The following MAML2 variants were observed in gnomAD, a reference collection of about 807,000 sequenced individuals.
MAML2 encodes mastermind-like protein 2.
MAML2 carries 22 observed loss-of-function variants against 96.1 expected under a neutral mutation model. The observed-to-expected ratio is 0.23, with a 90% CI of 0.16 to 0.33. The LOEUF is 0.33. MAML2 is among the 10% of genes least tolerant of loss of function. The probability of loss-of-function intolerance (pLI) is 1.00; values close to 1 mark genes in which losing one functional copy is unlikely to be tolerated. For missense variants in MAML2, 1,367 were observed against 1,392.4 expected (o/e 0.98, Z 0.29); for synonymous variants, 561 against 521.3 (o/e 1.08, Z -1.04).
chr11:96,060,245 A>C (rs1859133742), intron 2 of MAML2, among the ~76,000 whole-genome samples: 1 of 152,254 alleles, frequency 6.6e-6, no homozygotes, highest in Admixed American at 6.5e-5. Flanking sequence ...CACCATTTTA[A>C]GTAGACAAAA....
intron 2 of MAML2, among the ~76,000 whole-genome samples, chr11:96,073,321 CTTTTTTTT>C (rs57220287): frequency 9.2e-6 from 1 of 108,322 alleles, no homozygotes; most frequent in African/African-American, 3.3e-5. Context: ...CTTTTCTTTT[CTTTTTTTT>C]TTTTTTTTTT....
chr11:96,020,129 G>C (rs1337825133), intron 2 of MAML2, among the ~76,000 whole-genome samples: 1 of 152,174 alleles, frequency 6.6e-6, no homozygotes, highest in Non-Finnish European at 1.5e-5. Context: ...AGGGGGAAAA[G>C]GAAGAGTAAT....
Position 96,183,167 on chromosome 11 carries a change from C to T in MAML2, c.514-89650G>A, listed in dbSNP as rs146334081. Among the ~76,000 whole-genome samples the T allele has an allele frequency of 4.1e-3, 619 of 152,072 alleles. 1 individual carries two copies. Among genetic ancestry groups the T allele is most frequent in the Non-Finnish European group, 6.8e-3 (461 of 67,952 alleles). On this transcript the variant is annotated intron_variant, in intron 1 of 4. Transcript: ENST00000524717. ...AGAGACAGGGTTACATCATGTTGGC[C>T]AGGCTGGTTTTGAACTCCTCACCTC...
At chr11:96,166,171 T>A (rs927815535) in intron 1 of MAML2, among the ~76,000 whole-genome samples, 13 of 117,794 alleles carry the variant, frequency 1.1e-4, no homozygotes, top group East Asian at 8.3e-4. Flanking sequence ...TCTCTCTCTC[T>A]CTCTCTCACA....
chr11:96,132,625 C>T (rs560802976), intron 1 of MAML2, among the ~76,000 whole-genome samples: 7 of 152,198 alleles, frequency 4.6e-5, no homozygotes, highest in Non-Finnish European at 1.0e-4. Flanking sequence ...ATTCTGCAAA[C>T]ATAAACCTAT....
intron 1 of MAML2, among the ~76,000 whole-genome samples, chr11:96,135,774 A>T (rs1261177420): frequency 6.6e-6 from 1 of 151,688 alleles, no homozygotes; most frequent in Admixed American, 6.6e-5. Flanking sequence ...ATAGTGACAT[A>T]CATCTCTGAA....
intron 2 of MAML2, among the ~76,000 whole-genome samples, chr11:96,047,414 T>C (rs1858919225): frequency 6.6e-6 from 1 of 152,194 alleles, no homozygotes; most frequent in Non-Finnish European, 1.5e-5. Flanking sequence ...TTCAGTATCC[T>C]CTTCTTTAAG....
At chr11:96,228,703 G>T (rs892316118) in intron 1 of MAML2, among the ~76,000 whole-genome samples, 1 of 152,120 alleles carries the variant, frequency 6.6e-6, no homozygotes, top group Non-Finnish European at 1.5e-5. Flanking sequence ...AGCCTCATGC[G>T]CCTGAAGGTC....
chr11:96,155,588 A>AATGT, intron 1 of MAML2, among the ~76,000 whole-genome samples: 1 of 136,850 alleles, frequency 7.3e-6, no homozygotes, highest in Non-Finnish European at 1.5e-5. Flanking sequence ...ACCCTGGTCC[A>AATGT]ATGTTTAGCT....
chr11:96,177,610 A>G (rs774048312), intron 1 of MAML2, among the ~76,000 whole-genome samples: 30 of 152,248 alleles, frequency 2.0e-4, no homozygotes, highest in Non-Finnish European at 4.3e-4. Flanking sequence ...AAATACACCT[A>G]GAAATATACT....
intron 2 of MAML2, among the ~76,000 whole-genome samples, chr11:96,018,611 T>C (rs377377507): frequency 6.6e-6 from 1 of 152,214 alleles, no homozygotes; most frequent in African/African-American, 2.4e-5. Flanking sequence ...ATGGATTCGA[T>C]GTTCCTGATA....
Position 95,991,778 on chromosome 11 carries a change from G to A in MAML2, c.2140-55C>T, listed in dbSNP as rs1467016714. 3 of 1,360,522 alleles carry A rather than the reference G, an allele frequency of 2.2e-6. No individual in the cohort carries two copies. The East Asian group carries it at 6.9e-5, about 31-fold the overall frequency. The allele number at this position is 1,360,522 out of a possible 1,614,324, so 84.3% of individuals were successfully genotyped here. ...TACTGTGAATTAAAAAAAGAAAAAT[G>A]TAGCACAAAGATCATACACTCAGAT... is the stretch of plus-strand genomic sequence containing the variant. On this transcript the variant is annotated intron_variant, in intron 2 of 4. Transcript: ENST00000524717.
intron 2 of MAML2, among the ~76,000 whole-genome samples, chr11:95,994,879 C>T (rs506335): frequency 0.18 from 27,242 of 152,024 alleles, 3,009 homozygotes; most frequent in East Asian, 0.36. Flanking sequence ...CCATAAGCTC[C>T]GGAGATAGGT....
At chr11:96,330,292 CTG>C (rs1863835636) in intron 1 of MAML2, among the ~76,000 whole-genome samples, 1 of 152,184 alleles carries the variant, frequency 6.6e-6, no homozygotes, top group Non-Finnish European at 1.5e-5. Flanking sequence ...AGCAGGAAAA[CTG>C]TTTGTTAAGC....
At chr11:96,225,982 C>T (rs889727896) in intron 1 of MAML2, among the ~76,000 whole-genome samples, 1 of 152,118 alleles carries the variant, frequency 6.6e-6, no homozygotes, top group African/African-American at 2.4e-5. Flanking sequence ...AATCTGGAAC[C>T]CACCTTTAGT....
At chr11:95,990,366 C>T (rs1297225545) in intron 3 of MAML2, among the ~76,000 whole-genome samples, 5 of 152,102 alleles carry the variant, frequency 3.3e-5, no homozygotes, top group African/African-American at 2.4e-5. Flanking sequence ...CCTTCTCGTG[C>T]ACACTCAATA....
chr11:95,986,024 C>T (rs7127362), intron 3 of MAML2, among the ~76,000 whole-genome samples: 27,169 of 152,006 alleles, frequency 0.18, 3,896 homozygotes, highest in African/African-American at 0.4. Flanking sequence ...CACCAAACAC[C>T]CCCCTCTCTT....
chr11:96,166,152 CTG>C (rs1312427016), intron 1 of MAML2, among the ~76,000 whole-genome samples: 33 of 103,020 alleles, frequency 3.2e-4, no homozygotes, highest in African/African-American at 1.0e-3. Flanking sequence ...CTCTCTCTGT[CTG>C]TCTCTCTCTC....
rs772029315 is a variant in MAML2, at chr11:96,322,440, T to G, written c.513+18943A>C. Among the ~76,000 whole-genome samples, 4 of 152,348 alleles carry G rather than the reference T, an allele frequency of 2.6e-5. No individual in the cohort carries two copies. The South Asian group carries it at 8.3e-4, about 32-fold the overall frequency. On this transcript the variant is annotated intron_variant, in intron 1 of 4. Coordinates refer to ENST00000524717, the MANE Select transcript of MAML2 (RefSeq NM_032427.4). ...TGGGCGGGGCACAGTGGCTCATTCC[T>G]ATAATCCCAGCACTTTGGGAGGCGG...
Sources: gnomAD v4.1 joint callset for allele counts (sites outside exome capture counted in the v4.1 genomes callset) on GRCh38, gnomAD v4.1.1 for gene constraint, MANE v1.5 for transcripts, NCBI Gene and HGNC (gene_info 2026-07-23, HGNC 2026-07-21) for gene names.